Variants in SNTG2 observed in about 807,000 individuals in gnomAD.
The protein encoded by SNTG2 is syntrophin gamma 2.
SNTG2 carries 74 observed loss-of-function variants against 70.9 expected under a neutral mutation model. The observed-to-expected ratio is 1.04, with a 90% CI of 0.86 to 1.27. SNTG2 has a LOEUF of 1.27. Ranked by LOEUF, SNTG2 falls within the 50% of genes most tolerant of loss-of-function variation. The probability of loss-of-function intolerance (pLI) is 0.00; values close to 1 mark genes in which losing one functional copy is unlikely to be tolerated. For synonymous variants in SNTG2, 278 were observed against 273.8 expected, an observed-to-expected ratio of 1.02 and a Z score of -0.15; for missense variants, 717 against 690.7, an observed-to-expected ratio of 1.04 and a Z score of -0.43.
intron 6 of SNTG2, among the ~76,000 whole-genome samples, chr2:1,150,255 C>T (rs1374118214): frequency 6.6e-6 from 1 of 152,198 alleles, no homozygotes; most frequent in African/African-American, 2.4e-5. Flanking sequence ...GCTGTCATCT[C>T]CACTTGCCTC....
At chr2:1,287,452 C>T (rs1226808742) in intron 14 of SNTG2, among the ~76,000 whole-genome samples, 10 of 152,160 alleles carry the variant, frequency 6.6e-5, no homozygotes, top group Non-Finnish European at 1.2e-4. Context: ...GTGTTCACCA[C>T]GTGTCTTGTT....
chr2:1,206,169 G>A (rs1438955341), intron 8 of SNTG2, among the ~76,000 whole-genome samples: 2 of 152,122 alleles, frequency 1.3e-5, no homozygotes, highest in Non-Finnish European at 1.5e-5. Context: ...GTAAGATTTG[G>A]GACCACGATG....
At chr2:1,299,941 A>G (rs150222888) in intron 14 of SNTG2, among the ~76,000 whole-genome samples, 160 of 150,032 alleles carry the variant, frequency 1.1e-3, no homozygotes, top group African/African-American at 3.6e-3. Context: ...GACCATCACC[A>G]CTCTGAAGGC....
chr2:1,223,488 T>A (rs1675504985), intron 9 of SNTG2, among the ~76,000 whole-genome samples: 1 of 152,220 alleles, frequency 6.6e-6, no homozygotes, highest in South Asian at 2.1e-4. Flanking sequence ...CAGTGCATCC[T>A]GGGATCCCTG....
chr2:1,252,880 G>A (rs1251572645), intron 12 of SNTG2, among the ~76,000 whole-genome samples: 2 of 152,008 alleles, frequency 1.3e-5, no homozygotes, highest in Non-Finnish European at 2.9e-5. Flanking sequence ...CACACAATAT[G>A]GTGAATAAAT....
intron 1 of SNTG2, among the ~76,000 whole-genome samples, chr2:987,657 A>T (rs1661369127): frequency 6.6e-6 from 1 of 151,896 alleles, no homozygotes; most frequent in Non-Finnish European, 1.5e-5. Context: ...CAGAGCCGTG[A>T]GCGAATACAT....
chr2:1,219,146 G>A (rs1215238848), intron 9 of SNTG2, among the ~76,000 whole-genome samples: 1 of 152,094 alleles, frequency 6.6e-6, no homozygotes, highest in African/African-American at 2.4e-5. Flanking sequence ...AGAACCAGCT[G>A]TTAAAAGTGT....
chr2:1,003,952 T>C (rs1035973521), intron 1 of SNTG2, among the ~76,000 whole-genome samples: 1 of 152,222 alleles, frequency 6.6e-6, no homozygotes, highest in Non-Finnish European at 1.5e-5. Flanking sequence ...CTGGGGCTTC[T>C]GAAATCCCCA....
intron 14 of SNTG2, among the ~76,000 whole-genome samples, chr2:1,301,173 G>T (rs73177784): frequency 6.6e-6 from 1 of 152,098 alleles, no homozygotes; most frequent in African/African-American, 2.4e-5. Context: ...GGGTCAAGGT[G>T]ACATGCATGG....
intron 8 of SNTG2, among the ~76,000 whole-genome samples, chr2:1,205,864 T>A (rs1397399984): frequency 6.6e-6 from 1 of 152,216 alleles, no homozygotes; most frequent in Non-Finnish European, 1.5e-5. Context: ...CCGTGTGAGT[T>A]GGTTGGTCAG....
At chr2:1,203,906 T>A (rs1673465200) in intron 8 of SNTG2, among the ~76,000 whole-genome samples, 1 of 152,114 alleles carries the variant, frequency 6.6e-6, no homozygotes, top group Admixed American at 6.6e-5. Context: ...CAACGTTATT[T>A]ATAATATCCT....
intron 6 of SNTG2, chr2:1,161,553 A>C (rs926891123): frequency 1.3e-5 from 2 of 152,164 alleles, no homozygotes; most frequent in Admixed American, 6.5e-5. Flanking sequence ...CAGGAGGGAG[A>C]AATCTTTGAA....
At chr2:1,246,512 T>G (rs1048424498) in intron 11 of SNTG2, among the ~76,000 whole-genome samples, 2 of 152,242 alleles carry the variant, frequency 1.3e-5, no homozygotes, top group Admixed American at 1.3e-4. Context: ...GTTCTCAACT[T>G]TTAATAGCTC....
At chr2:1,135,312 C>CA (rs1668307072) in intron 4 of SNTG2, among the ~76,000 whole-genome samples, 1 of 138,274 alleles carries the variant, frequency 7.2e-6, no homozygotes, top group Non-Finnish European at 1.5e-5. Flanking sequence ...GTTGACAAAA[C>CA]AAAATGCCAC....
In SNTG2 at chr2:1,005,862, T is replaced by A. The variant is rs1225970868; in HGVS notation, c.72+54794T>A. Among the ~76,000 whole-genome samples, 7 of 26,144 alleles carry A rather than the reference T, an allele frequency of 2.7e-4. 1 individual carries two copies. In the East Asian group the frequency reaches 3.8e-3, roughly 14 times the overall value. The allele number at this position is 26,144 out of a possible 152,430, so 17.2% of individuals were successfully genotyped here. A position where few individuals can be genotyped will look rare whatever the true frequency, so the allele number is the denominator to read the frequency against. ...ATATATATATATATATATATATATA[T>A]ATATATATATATAAACGTTGACATT... On this transcript the variant is annotated intron_variant, in intron 1 of 16. Transcript: ENST00000308624.
intron 13 of SNTG2, chr2:1,262,778 G>GACGAGGCAACCGGAAGGCTCCGCC (rs1558611161): frequency 7.0e-6 from 1 of 142,426 alleles, no homozygotes. Context: ...AAGGCTCCGT[G>GACGAGGCAACCGGAAGGCTCCGCC]CAGACGAGGT....
intron 9 of SNTG2, among the ~76,000 whole-genome samples, chr2:1,235,168 G>A (rs1164486874): frequency 7.3e-5 from 11 of 150,724 alleles, no homozygotes; most frequent in Admixed American, 5.3e-4. Flanking sequence ...CATGAGAGGG[G>A]GCGCCCCTAC....
chr2:962,655 C>G (rs989355270), intron 1 of SNTG2, among the ~76,000 whole-genome samples: 4 of 152,166 alleles, frequency 2.6e-5, no homozygotes, highest in African/African-American at 9.7e-5. Context: ...TGAGTTTTCA[C>G]TTCATCTTTG....
chr2:1,270,729 G>C (rs1446209752), intron 14 of SNTG2, among the ~76,000 whole-genome samples: 1 of 152,190 alleles, frequency 6.6e-6, no homozygotes, highest in South Asian at 2.1e-4. Context: ...AGCACTGCTG[G>C]ATTTCTTTTC....
Sources: gnomAD v4.1 joint callset for allele counts (sites outside exome capture counted in the v4.1 genomes callset) on GRCh38, gnomAD v4.1.1 for gene constraint, MANE v1.5 for transcripts, NCBI Gene and HGNC (gene_info 2026-07-23, HGNC 2026-07-21) for gene names.